MAS1: variants seen among roughly 807,000 people sequenced by gnomAD.
The protein encoded by MAS1 is proto-oncogene Mas.
For missense variants in MAS1, 387 were observed against 409.7 expected (o/e 0.94, Z 0.48); for synonymous variants, 163 against 164.2 (o/e 0.99, Z 0.05).
chr6:159,900,724 C>T (rs550054101), intron 2 of MAS1, among the ~76,000 whole-genome samples: 7 of 152,198 alleles, frequency 4.6e-5, no homozygotes, highest in South Asian at 2.1e-4. Context: ...GTGTGATGCC[C>T]TGCACTGAAA....
intron 1 of MAS1, among the ~76,000 whole-genome samples, chr6:159,897,556 G>A (rs1782768033): frequency 6.6e-6 from 1 of 152,134 alleles, no homozygotes; most frequent in African/African-American, 2.4e-5. Flanking sequence ...CAAGAAGTGG[G>A]TTTGTTTTGG....
At chr6:159,891,930 T>C (rs944061624) in intron 1 of MAS1, among the ~76,000 whole-genome samples, 8 of 152,120 alleles carry the variant, frequency 5.3e-5, no homozygotes, top group Non-Finnish European at 8.8e-5. Flanking sequence ...GTGTGGGCTG[T>C]CTTGTATATT....
rs1782991965 is a variant in MAS1 at position 159,913,854 on chromosome 6, A to G, written c.*5921A>G. The G allele has an allele frequency of 6.6e-6, 1 of 152,224 alleles. No homozygotes were observed. Among genetic ancestry groups the G allele is most frequent in the South Asian group, 2.1e-4 (1 of 4,836 alleles). The allele number at this position is 152,224 out of a possible 1,614,324, so 9.4% of individuals were successfully genotyped here. On this transcript the variant is annotated 3_prime_UTR_variant, in exon 3 of 3. Coordinates refer to ENST00000674077, the MANE Select transcript of MAS1 (RefSeq NM_002377.4). ...TCTATGAAATTTTGGTCCTCATTTTAACAAGATTCCTTTTTAACAATCTTT... is the reference window on the plus strand; with the variant it reads ...TCTATGAAATTTTGGTCCTCATTTTGACAAGATTCCTTTTTAACAATCTTT...
chr6:159,901,112 C>CAG (rs771935044), intron 2 of MAS1, among the ~76,000 whole-genome samples: 2 of 152,194 alleles, frequency 1.3e-5, no homozygotes, highest in Admixed American at 1.3e-4. Flanking sequence ...TGTGCCCTCA[C>CAG]AGAGAGAGAT....
intron 2 of MAS1, among the ~76,000 whole-genome samples, chr6:159,905,934 C>G (rs1363694105): frequency 6.6e-6 from 1 of 151,898 alleles, no homozygotes; most frequent in African/African-American, 2.4e-5. Context: ...CCCAGCTACT[C>G]AGGAAGCTGA....
intron 2 of MAS1, among the ~76,000 whole-genome samples, chr6:159,904,576 C>G (rs973223828): frequency 1.3e-5 from 2 of 152,224 alleles, no homozygotes; most frequent in African/African-American, 2.4e-5. Flanking sequence ...TGTGTCTAGG[C>G]CAGTGCCTTC....
At position 159,907,589 on chromosome 6, in the gene MAS1, G is replaced by A. The variant is rs528603241; in HGVS notation, c.634G>A (p.Val212Met). The change falls in exon 3 of 3, where the codon GTG becomes ATG. Residue 212 changes from valine to methionine, a missense_variant. Physicochemically the swap from Val to Met is conservative, Grantham distance 21. Coordinates refer to ENST00000674077, the MANE Select transcript of MAS1 (RefSeq NM_002377.4). ...GCTGGTGTCCAGCACCATCTTGGTC[G>A]TGAAGATCCGGAAGAACACGTGGGC... is the stretch of plus-strand genomic sequence containing the variant. ...LMLVSSTILVVKIRKNTWASH... is the reference protein window; with the variant it reads ...LMLVSSTILVMKIRKNTWASH... 134 of 1,613,932 alleles carry A rather than the reference G, an allele frequency of 8.3e-5. 4 individuals are homozygous for A. In the South Asian group the frequency reaches 9.7e-4, roughly 12 times the overall value.
At position 159,904,987 on chromosome 6, in the gene MAS1, G is replaced by A. The variant is rs562414743; in HGVS notation, c.-36-1933G>A. On this transcript the variant is annotated intron_variant, in intron 2 of 2. Transcript: ENST00000674077. Reference sequence around the variant, plus strand: ...TTTGCCCAAGTGTGACCTCATGAGTGAGACGTTTCCCATCACACTATGGAC... The same window carrying A: ...TTTGCCCAAGTGTGACCTCATGAGTAAGACGTTTCCCATCACACTATGGAC... 1.2e-4 allele frequency among the ~76,000 whole-genome samples: 19 copies of A among 152,284 alleles called. No homozygotes were observed. In the South Asian group the frequency reaches 3.9e-3, roughly 32 times the overall value.
At position 159,906,983 on chromosome 6, in the gene MAS1, G is replaced by A. The variant is rs1321224429; in HGVS notation, c.28G>A (p.Val10Ile). ...GGATGGGTCAAACGTGACATCATTT[G>A]TTGTTGAGGAACCCACGAACATCTC... Reference protein sequence around the residue: MDGSNVTSFVVEEPTNISTG... With the variant: MDGSNVTSFIVEEPTNISTG... The change falls in exon 3 of 3, where the codon GTT becomes ATT. Residue 10 changes from valine (V) to isoleucine (I), a missense_variant. Transcript: ENST00000674077. 3 of 1,608,734 alleles carry A rather than the reference G, an allele frequency of 1.9e-6. No homozygotes were observed. Among genetic ancestry groups the A allele is most frequent in the Admixed American group, 3.3e-5 (2 of 59,938 alleles).
chr6:159,890,645 C>T (rs1262785377), upstream of MAS1, among the ~76,000 whole-genome samples: 2 of 152,200 alleles, frequency 1.3e-5, no homozygotes, highest in Admixed American at 6.5e-5. Flanking sequence ...CTCCATTTTA[C>T]AGATGAGAAA....
At chr6:159,906,781 A>C (rs1359388797) in intron 2 of MAS1, 139 bp from the exon 3 acceptor site, 14 of 651,106 alleles carry the variant, frequency 2.2e-5, no homozygotes, top group Non-Finnish European at 3.6e-5. Flanking sequence ...TATCATTGTG[A>C]CAAAGATAAC....
chr6:159,895,789 G>A (rs1782748579), intron 1 of MAS1, among the ~76,000 whole-genome samples: 1 of 152,128 alleles, frequency 6.6e-6, no homozygotes, highest in African/African-American at 2.4e-5. Flanking sequence ...AATATAATTG[G>A]CATGGTTATT....
rs779873985 is a variant in MAS1, at chr6:159,914,423, C to G, written c.*6490C>G. On this transcript the variant is annotated 3_prime_UTR_variant, in exon 3 of 3. Coordinates refer to ENST00000674077, the MANE Select transcript of MAS1 (RefSeq NM_002377.4). Reference sequence around the variant, plus strand: ...CTTAAACTCTGGTCTGTTGTTTCTTCCTGTTCTGAGTGAGACTTGCGGTGA... The same window carrying G: ...CTTAAACTCTGGTCTGTTGTTTCTTGCTGTTCTGAGTGAGACTTGCGGTGA... 6.6e-6 allele frequency: 1 copy of G among 152,118 alleles called. No homozygotes were observed. The highest frequency in any genetic ancestry group is 1.5e-5 in the Non-Finnish European group (1 of 68,044). The allele number at this position is 152,118 out of a possible 1,614,324, so 9.4% of individuals were successfully genotyped here.
At chr6:159,895,925 A>T (rs986646972) in intron 1 of MAS1, among the ~76,000 whole-genome samples, 1 of 152,236 alleles carries the variant, frequency 6.6e-6, no homozygotes, top group Non-Finnish European at 1.5e-5. Context: ...ATTTGCATCC[A>T]TATGAATTCA....
At chr6:159,891,877 G>A (rs982879260) in intron 1 of MAS1, among the ~76,000 whole-genome samples, 2 of 152,066 alleles carry the variant, frequency 1.3e-5, no homozygotes, top group African/African-American at 4.8e-5. Context: ...AGAGTGCCAC[G>A]GCCTCGGCAC....
rs1782738672 is a variant in MAS1 at position 159,894,904 on chromosome 6, C to A, written c.-244+3771C>A. 1.3e-5 allele frequency among the ~76,000 whole-genome samples: 2 copies of A among 152,190 alleles called. 1 individual carries two copies. Among genetic ancestry groups the A allele is most frequent in the South Asian group, 4.1e-4 (2 of 4,824 alleles). On this transcript the variant is annotated intron_variant, in intron 1 of 2. Transcript: ENST00000674077. ...AGAGACAATATTTCTGAAAACAACT[C>A]ATTCCTGTGTGTTTGTGTTGTTTTG...
At chr6:159,903,993 T>G (rs1697358590) in intron 2 of MAS1, among the ~76,000 whole-genome samples, 1 of 152,184 alleles carries the variant, frequency 6.6e-6, no homozygotes, top group African/African-American at 2.4e-5. Context: ...GTTCCGGGTC[T>G]CAGCCCACTT....
rs1783010970 is a variant in MAS1 at position 159,915,402 on chromosome 6, T to C, written c.*7469T>C. 2 of 152,216 alleles carry C rather than the reference T, an allele frequency of 1.3e-5. No homozygotes were observed. Among genetic ancestry groups the C allele is most frequent in the African/African-American group, 4.8e-5 (2 of 41,440 alleles). The allele number at this position is 152,216 out of a possible 1,614,324, so 9.4% of individuals were successfully genotyped here. On this transcript the variant is annotated 3_prime_UTR_variant, in exon 3 of 3. Transcript: ENST00000674077. Reference sequence around the variant, plus strand: ...TATATCCTGCTGGAAATAGGACTAGTTCACTGAGTATAACGTTTCTACAGA... The same window carrying C: ...TATATCCTGCTGGAAATAGGACTAGCTCACTGAGTATAACGTTTCTACAGA...
At chr6:159,894,990 A>G (rs528886246) in intron 1 of MAS1, among the ~76,000 whole-genome samples, 6 of 152,320 alleles carry the variant, frequency 3.9e-5, no homozygotes, top group Admixed American at 6.5e-5. Context: ...TCTTTGATAA[A>G]TAAGATCCAT....
Sources: gnomAD v4.1 joint callset for allele counts (sites outside exome capture counted in the v4.1 genomes callset) on GRCh38, gnomAD v4.1.1 for gene constraint, MANE v1.5 for transcripts, NCBI Gene and HGNC (gene_info 2026-07-23, HGNC 2026-07-21) for gene names.